The following SCIN variants were observed in gnomAD, a reference collection of about 807,000 sequenced individuals.
The protein encoded by SCIN is adseverin.
A neutral mutation model predicts 91.8 loss-of-function variants in SCIN; 91 were observed. The ratio of observed to expected loss-of-function variants is 0.99; its 90% CI spans 0.84 to 1.18. The LOEUF is 1.18. Among genes scored for constraint, SCIN ranks in the 50% most tolerant of loss-of-function variants. The pLI, the probability that SCIN is intolerant of heterozygous loss-of-function variation, is 0.00. For missense variants in SCIN, 1,087 were observed against 863.9 expected (o/e 1.26, Z -3.24); for synonymous variants, 367 against 312.6 (o/e 1.17, Z -1.84).
chr7:12,596,166 C>T (rs1305520407), intron 3 of SCIN: 10 of 300,538 alleles, frequency 3.3e-5, no homozygotes, highest in South Asian at 2.5e-4. Flanking sequence ...TTAGGGTGGG[C>T]TGCCTTCATG....
chr7:12,597,013 C>A (rs967215754), intron 3 of SCIN, among the ~76,000 whole-genome samples: 4 of 152,168 alleles, frequency 2.6e-5, no homozygotes, highest in Admixed American at 2.6e-4. Context: ...CCCTGCACAC[C>A]ACTCCATTCA....
intron 1 of SCIN, among the ~76,000 whole-genome samples, chr7:12,576,331 G>A (rs778403784): frequency 2.7e-5 from 4 of 150,716 alleles, no homozygotes; most frequent in East Asian, 1.9e-4. Flanking sequence ...TTGTTATCAC[G>A]TCAAGTAATC....
At chr7:12,611,406 G>A (rs763485217) in intron 4 of SCIN, among the ~76,000 whole-genome samples, 20 of 152,132 alleles carry the variant, frequency 1.3e-4, no homozygotes, top group Non-Finnish European at 2.6e-4. Context: ...TTAGGATTTT[G>A]TCAGCATTCC....
chr7:12,615,425 C>T (rs1783278634), intron 4 of SCIN, among the ~76,000 whole-genome samples: 1 of 152,022 alleles, frequency 6.6e-6, no homozygotes, highest in African/African-American at 2.4e-5. Flanking sequence ...CCTTTGTGTT[C>T]CCTCTCTCTC....
chr7:12,604,243 A>G (rs1432912960), intron 3 of SCIN, among the ~76,000 whole-genome samples: 2 of 152,092 alleles, frequency 1.3e-5, no homozygotes, highest in Non-Finnish European at 2.9e-5. Flanking sequence ...AATTTAATCC[A>G]TATGTTTACT....
chr7:12,576,601 A>G (rs921282898), intron 1 of SCIN, among the ~76,000 whole-genome samples: 1 of 152,196 alleles, frequency 6.6e-6, no homozygotes, highest in Non-Finnish European at 1.5e-5. Flanking sequence ...CCTTGTCACT[A>G]TAAAATTGTA....
intron 4 of SCIN, among the ~76,000 whole-genome samples, chr7:12,620,283 A>G (rs1035343251): frequency 6.6e-6 from 1 of 152,096 alleles, no homozygotes; most frequent in African/African-American, 2.4e-5. Context: ...CCATCATACT[A>G]TACTTTGTCT....
intron 4 of SCIN, among the ~76,000 whole-genome samples, chr7:12,619,952 A>G (rs1414509522): frequency 6.6e-6 from 1 of 152,118 alleles, no homozygotes; most frequent in Non-Finnish European, 1.5e-5. Context: ...CAGCAGATGT[A>G]AAATATAAAT....
intron 7 of SCIN, 152 bp from the exon 8 acceptor site, chr7:12,626,431 TA>T (rs2115275125): frequency 1.7e-6 from 1 of 598,572 alleles, no homozygotes; most frequent in South Asian, 2.3e-5. Flanking sequence ...GCAATTACTT[TA>T]GTTGTGAGAA....
At position 12,629,131 on chromosome 7, in the gene SCIN, C is replaced by G; in HGVS notation, c.1228C>G (p.Gln410Glu). Residue 410 changes from glutamine (Q) to glutamate (E), a missense_variant, in exon 9 of 16, where the codon CAA becomes GAA. Coordinates refer to ENST00000297029, the MANE Select transcript of SCIN (RefSeq NM_001112706.3). ...GCGTGTAGAAAACAATGGTAGGATC[C>G]AAGTTGACCAAAACTCATATGGTGA... ...IWRVENNGRIQVDQNSYGEFY... is the reference protein window; with the variant it reads ...IWRVENNGRIEVDQNSYGEFY... 1 of 1,612,788 alleles carries G rather than the reference C, an allele frequency of 6.2e-7. No homozygotes were observed. The highest frequency in any genetic ancestry group is 8.5e-7 in the Non-Finnish European group (1 of 1,179,236).
intron 3 of SCIN, among the ~76,000 whole-genome samples, chr7:12,594,759 C>T (rs1289482402): frequency 6.6e-6 from 1 of 152,048 alleles, no homozygotes; most frequent in Non-Finnish European, 1.5e-5. Context: ...GTCTTGCAGG[C>T]CTTGTATGGA....
At position 12,622,721 on chromosome 7, in the gene SCIN, C is replaced by G. The variant is rs1783433579; in HGVS notation, c.667-80C>G. On this transcript the variant is annotated intron_variant, in intron 4 of 15. Transcript: ENST00000297029. Reference sequence around the variant, plus strand: ...ATTGCAAATATTTTATAATCCATGTCTTTATAAGTGTATTTTTCTAACTCT... The same window carrying G: ...ATTGCAAATATTTTATAATCCATGTGTTTATAAGTGTATTTTTCTAACTCT... 8.4e-6 allele frequency: 8 copies of G among 952,128 alleles called. No homozygotes were observed. In the South Asian group the frequency reaches 9.8e-5, roughly 12 times the overall value. The allele number at this position is 952,128 out of a possible 1,614,324, so 59.0% of individuals were successfully genotyped here.
In SCIN at chr7:12,577,852, T is replaced by A. The variant is rs570228974; in HGVS notation, c.200-212T>A. ...GGCTTAGCAACAGAGCAACACCCTC[T>A]CTCAAAAAAAAAAAAAATAGACTAA... is the stretch of plus-strand genomic sequence containing the variant. On this transcript the variant is annotated intron_variant, in intron 1 of 15. Coordinates refer to ENST00000297029, the MANE Select transcript of SCIN (RefSeq NM_001112706.3). 3 of 443,582 alleles carry A rather than the reference T, an allele frequency of 6.8e-6. No individual in the cohort carries two copies. The African/African-American group carries it at 9.1e-5, about 13-fold the overall frequency. 27.5% of individuals were successfully genotyped at this position (443,582 alleles called of 1,614,324 possible). A position where few individuals can be genotyped will look rare whatever the true frequency, so the allele number is the denominator to read the frequency against.
Position 12,652,712 on chromosome 7 carries a change from G to A in SCIN, c.2145G>A (p.Trp715Ter), listed in dbSNP as rs753956588. The A allele has an allele frequency of 6.2e-7, 1 of 1,602,196 alleles. No individual in the cohort carries two copies. The highest frequency in any genetic ancestry group is 1.4e-5 in the African/African-American group (1 of 73,788). The change falls in exon 16 of 16, where the codon TGG becomes TGA. Residue 715 changes from tryptophan to a stop codon, truncating the protein, a stop_gained. Transcript: ENST00000297029. LOFTEE classifies it high-confidence loss of function. ...TCCTGGGCTGGGATTCCAGCAAGTGGTAAATTGGTATTTGTAAAAAGCAAA... is the reference window on the plus strand; with the variant it reads ...TCCTGGGCTGGGATTCCAGCAAGTGATAAATTGGTATTTGTAAAAAGCAAA... ...GWFLGWDSSKW is the reference protein window; with the variant it reads ...GWFLGWDSSK
At chr7:12,638,972 T>A (rs917652640) in intron 10 of SCIN, among the ~76,000 whole-genome samples, 1 of 152,186 alleles carries the variant, frequency 6.6e-6, no homozygotes, top group African/African-American at 2.4e-5. Flanking sequence ...TGCACTCGAT[T>A]AATGAGTTAC....
chr7:12,625,708 T>C, intron 6 of SCIN, 54 bp from the exon 7 acceptor site: 1 of 1,168,310 alleles, frequency 8.6e-7, no homozygotes, highest in Non-Finnish European at 1.3e-6. Context: ...TTCTTAATCA[T>C]AGAATGTCTT....
At chr7:12,640,549 A>G (rs775577445) in intron 11 of SCIN, 32 bp downstream of exon 11, 2 of 1,548,740 alleles carry the variant, frequency 1.3e-6, no homozygotes, top group Non-Finnish European at 1.7e-6. Context: ...AACATGCCCT[A>G]GTTATGGACT....
rs150335949 is a variant in SCIN, at chr7:12,609,605, A to G, written c.666+4942A>G. 8.2e-3 allele frequency among the ~76,000 whole-genome samples: 1,251 copies of G among 152,312 alleles called. 12 individuals carry two copies. Among genetic ancestry groups the G allele is most frequent in the African/African-American group, 0.029 (1,190 of 41,572 alleles). Reference sequence around the variant, plus strand: ...AAAAACCCAGCATCTGGTAGATATAAAAAGAATGAAGATGAAGAAAGGGCA... The same window carrying G: ...AAAAACCCAGCATCTGGTAGATATAGAAAGAATGAAGATGAAGAAAGGGCA... On this transcript the variant is annotated intron_variant, in intron 4 of 15. Coordinates refer to ENST00000297029, the MANE Select transcript of SCIN (RefSeq NM_001112706.3).
At chr7:12,573,224 T>C (rs1236077133) in intron 1 of SCIN, among the ~76,000 whole-genome samples, 4 of 152,016 alleles carry the variant, frequency 2.6e-5, no homozygotes, top group African/African-American at 7.2e-5. Flanking sequence ...GAGAGACAGA[T>C]TGAGAGAAAG....
Sources: allele counts gnomAD v4.1 joint callset (sites outside exome capture counted in the v4.1 genomes callset), GRCh38; gene constraint gnomAD v4.1.1; transcripts MANE v1.5; gene names NCBI Gene and HGNC (gene_info 2026-07-23, HGNC 2026-07-21).